Variants in ACTN4 observed in about 807,000 individuals in gnomAD.
The protein encoded by ACTN4 is alpha-actinin-4.
ACTN4 carries 18 observed loss-of-function variants against 114.2 expected under a neutral mutation model. The ratio of observed to expected loss-of-function variants is 0.16; its 90% CI spans 0.11 to 0.23. ACTN4 has a LOEUF of 0.23. Among genes scored for constraint, ACTN4 ranks in the 10% least tolerant of loss-of-function variants. The pLI is 1.00. For synonymous variants in ACTN4, 515 were observed against 506.3 expected, an observed-to-expected ratio of 1.02 and a Z score of -0.23; for missense variants, 722 against 1,262.9, an observed-to-expected ratio of 0.57 and a Z score of 6.49.
At chr19:38,695,670 G>T (rs1333169520) in intron 1 of ACTN4, among the ~76,000 whole-genome samples, 1 of 152,030 alleles carries the variant, frequency 6.6e-6, no homozygotes, top group African/African-American at 2.4e-5. Flanking sequence ...CTTCCTTCTC[G>T]GAGTGGGCTC....
chr19:38,687,046 C>T (rs992060792), intron 1 of ACTN4, among the ~76,000 whole-genome samples: 3 of 151,832 alleles, frequency 2.0e-5, no homozygotes, highest in African/African-American at 7.3e-5. Context: ...TCACTGCAGC[C>T]TCCGCCTCCT....
In ACTN4 at chr19:38,703,236, ATTT is replaced by A. The variant is rs34017553; in HGVS notation, c.398-1681_398-1679del. Reference sequence around the variant, plus strand: ...GCCCTTCTTTTGAGAAGTTTCAGCAATTTTTTTTTTTTTTTTTTTGAGATGGAA... The same window carrying A: ...GCCCTTCTTTTGAGAAGTTTCAGCAATTTTTTTTTTTTTTTTGAGATGGAA... On this transcript the variant is annotated intron_variant, in intron 3 of 20. Coordinates refer to ENST00000252699, the MANE Select transcript of ACTN4 (RefSeq NM_004924.6). 4.9e-3 allele frequency among the ~76,000 whole-genome samples: 644 copies of A among 132,598 alleles called. 9 individuals carry two copies. Among genetic ancestry groups the A allele is most frequent in the African/African-American group, 0.017 (605 of 36,104 alleles). 87.0% of individuals were successfully genotyped at this position (132,598 alleles called of 152,430 possible).
At chr19:38,705,222 C>G (rs1329885024) in intron 4 of ACTN4, among the ~76,000 whole-genome samples, 1 of 152,184 alleles carries the variant, frequency 6.6e-6, no homozygotes, top group Non-Finnish European at 1.5e-5. Context: ...CAGTGCCTTC[C>G]GAGTGCCTTT....
chr19:38,678,778 C>T (rs930708226), intron 1 of ACTN4, among the ~76,000 whole-genome samples: 3 of 152,154 alleles, frequency 2.0e-5, no homozygotes, highest in Non-Finnish European at 2.9e-5. Context: ...TGTGTGTTAC[C>T]CCAAGTCCTT....
chr19:38,726,905 T>TGAGGACAG, intron 17 of ACTN4, 52 bp from the exon 18 acceptor site: 1 of 1,610,552 alleles, frequency 6.2e-7, no homozygotes, highest in Non-Finnish European at 8.5e-7. Context: ...TGAACCACGG[T>TGAGGACAG]GAGGACAGTT....
At chr19:38,664,102 G>A (rs142915484) in intron 1 of ACTN4, among the ~76,000 whole-genome samples, 217 of 152,324 alleles carry the variant, frequency 1.4e-3, no homozygotes, top group East Asian at 6.0e-3. Context: ...GTCTGCTGGC[G>A]AGGCTGGGTT....
chr19:38,667,993 AG>A (rs1184147647), intron 1 of ACTN4, among the ~76,000 whole-genome samples: 1 of 152,230 alleles, frequency 6.6e-6, no homozygotes, highest in African/African-American at 2.4e-5. Context: ...CAGAAGAGCC[AG>A]GCCTGGTTAA....
intron 3 of ACTN4, among the ~76,000 whole-genome samples, chr19:38,702,101 T>C (rs1244228924): frequency 6.6e-6 from 1 of 152,224 alleles, no homozygotes; most frequent in Non-Finnish European, 1.5e-5. Flanking sequence ...CATGGGTCTT[T>C]CCTCCAGGCT....
At chr19:38,673,678 AT>A (rs1169194441) in intron 1 of ACTN4, among the ~76,000 whole-genome samples, 2 of 104,126 alleles carry the variant, frequency 1.9e-5, no homozygotes, top group African/African-American at 8.9e-5. Context: ...ATATATTTAT[AT>A]ATTTATATAT....
Position 38,701,007 on chromosome 19 carries a change from CG to C in ACTN4, c.285del (p.Leu96TyrfsTer9). On this transcript the variant is annotated frameshift_variant, in exon 3 of 21. Coordinates refer to ENST00000252699, the MANE Select transcript of ACTN4 (RefSeq NM_004924.6). LOFTEE classifies it high-confidence loss of function. ...TCTCTTTGTGCACTTCTCAGGGGAGCGGTTACCTAAGCCGGAGCGGGGGAAG... is the reference window on the plus strand; with the variant it reads ...TCTCTTTGTGCACTTCTCAGGGGAGCGTTACCTAAGCCGGAGCGGGGGAAG... ...MLLLEVISGERLPKPERGKMR... is the reference protein window; with the variant it reads ...MLLLEVISGEXLPKPERGKMR... 6.2e-7 allele frequency: 1 copy of C among 1,613,862 alleles called. No individual in the cohort carries two copies. The highest frequency in any genetic ancestry group is 8.5e-7 in the Non-Finnish European group (1 of 1,180,000).
At chr19:38,660,057 G>T (rs1976834876) in intron 1 of ACTN4, among the ~76,000 whole-genome samples, 1 of 151,774 alleles carries the variant, frequency 6.6e-6, no homozygotes, top group African/African-American at 2.4e-5. Flanking sequence ...CAAATAGCTG[G>T]GACTACAGGC....
intron 19 of ACTN4, chr19:38,728,338 C>A: frequency 6.8e-7 from 1 of 1,472,840 alleles, no homozygotes. Flanking sequence ...AGCATGGACT[C>A]CGATGACTTC....
At chr19:38,685,899 G>A (rs573564959) in intron 1 of ACTN4, among the ~76,000 whole-genome samples, 3 of 152,144 alleles carry the variant, frequency 2.0e-5, no homozygotes, top group African/African-American at 7.2e-5. Flanking sequence ...CCCTTACCAC[G>A]ATTAAAGATT....
At chr19:38,694,079 T>C (rs1394898501) in intron 1 of ACTN4, among the ~76,000 whole-genome samples, 1 of 152,126 alleles carries the variant, frequency 6.6e-6, no homozygotes, top group Non-Finnish European at 1.5e-5. Context: ...GTCCACATCC[T>C]TCCTTCCTCC....
At position 38,724,489 on chromosome 19, in the gene ACTN4, A is replaced by G; in HGVS notation, c.1934A>G (p.Gln645Arg). ...CTCCTGGAGGAGCAGAGCAAGCAGC[A>G]GTCCAACGAGCACCTGCGCCGCCAG... ...HALLEEQSKQQSNEHLRRQFA... is the reference protein window; with the variant it reads ...HALLEEQSKQRSNEHLRRQFA... The change falls in exon 16 of 21, where the codon CAG (glutamine) becomes CGG (arginine). Residue 645 changes from glutamine to arginine, a missense_variant. This residue lies in a region of ACTN4 where 523 missense variants were observed against 875.9 expected (regional missense o/e 0.60). Transcript: ENST00000252699. This position sits in a 1 kb window ranked among gnomAD's most constrained non-coding sequence, Gnocchi z 7.0. 1 of 1,613,502 alleles carries G rather than the reference A, an allele frequency of 6.2e-7. No individual in the cohort carries two copies. The highest frequency in any genetic ancestry group is 1.1e-5 in the South Asian group (1 of 91,086).
chr19:38,703,686 C>T (rs1301548323), intron 3 of ACTN4, among the ~76,000 whole-genome samples: 1 of 152,200 alleles, frequency 6.6e-6, no homozygotes, highest in East Asian at 1.9e-4. Flanking sequence ...AGCAGCCCCG[C>T]CCTCACGAGG....
intron 1 of ACTN4, among the ~76,000 whole-genome samples, chr19:38,669,924 G>A (rs1967078552): frequency 6.6e-6 from 1 of 152,284 alleles, no homozygotes; most frequent in South Asian, 2.1e-4. Flanking sequence ...GTCCAGCCAA[G>A]AATCTCAAGG....
intron 16 of ACTN4, among the ~76,000 whole-genome samples, chr19:38,725,434 C>T (rs1353002532): frequency 3.3e-5 from 5 of 152,256 alleles, no homozygotes; most frequent in Non-Finnish European, 7.3e-5. Context: ...CAGGGCCTGC[C>T]ACAGCCCTGG....
Position 38,647,680 on chromosome 19 carries a change from C to T in ACTN4, c.-66C>T. On this transcript the variant is annotated 5_prime_UTR_variant, in exon 1 of 21. Transcript: ENST00000252699. ...GCTGAAGCGGCGGTAGCGGCGGCGG[C>T]TCGGGCAGAGGGGCGGGAGCTGAGG... is the stretch of plus-strand genomic sequence containing the variant. 1.3e-6 allele frequency: 2 copies of T among 1,488,514 alleles called. No homozygotes were observed. Among genetic ancestry groups the T allele is most frequent in the Non-Finnish European group, 1.8e-6 (2 of 1,119,156 alleles). 92.2% of individuals were successfully genotyped at this position (1,488,514 alleles called of 1,614,324 possible).
Sources: allele counts gnomAD v4.1 joint callset (sites outside exome capture counted in the v4.1 genomes callset), GRCh38; gene constraint gnomAD v4.1.1; regional missense constraint gnomAD v4.1.1; non-coding constraint Gnocchi (gnomAD v3.1); transcripts MANE v1.5; gene names NCBI Gene and HGNC (gene_info 2026-07-23, HGNC 2026-07-21).